NFIB: variants seen among roughly 807,000 people sequenced by gnomAD.
The protein encoded by NFIB is nuclear factor 1 B-type.
A neutral mutation model predicts 61.5 loss-of-function variants in NFIB; 11 were observed. That is an observed-to-expected ratio of 0.18 (90% CI 0.11 to 0.30). NFIB has a LOEUF of 0.30. NFIB is among the 10% of genes least tolerant of loss of function. The pLI is 1.00. For missense variants in NFIB, 471 were observed against 608.9 expected (o/e 0.77, Z 2.38); for synonymous variants, 260 against 216.5 (o/e 1.20, Z -1.76).
chr9:14,293,004 T>C (rs2059200930), intron 2 of NFIB, among the ~76,000 whole-genome samples: 1 of 152,222 alleles, frequency 6.6e-6, no homozygotes, highest in Non-Finnish European at 1.5e-5. Context: ...TTTTCATTCC[T>C]TCTAAAAGGA....
the NFIB span, among the ~76,000 whole-genome samples, chr9:14,486,658 C>T: frequency 1.3e-5 from 2 of 151,700 alleles, no homozygotes; most frequent in African/African-American, 2.4e-5. Flanking sequence ...CTTCCATGTT[C>T]AAAACAATAG....
the NFIB span, among the ~76,000 whole-genome samples, chr9:14,457,077 G>C: frequency 6.6e-6 from 1 of 152,110 alleles, no homozygotes; most frequent in African/African-American, 2.4e-5. Flanking sequence ...AGAAAGAAAA[G>C]GCCAAGGGCA....
chr9:14,237,304 G>T (rs1285211650), intron 2 of NFIB, among the ~76,000 whole-genome samples: 1 of 152,242 alleles, frequency 6.6e-6, no homozygotes, highest in Admixed American at 6.5e-5. Context: ...TCATCCTATT[G>T]ATTTACTGTG....
Position 14,120,321 on chromosome 9 carries a change from A to G in NFIB, c.1245+119T>C. ...ATTGAGTCACCAAGCAACTTCCTGA[A>G]GATGGATTTCAAGGCTTGACGTTCT... is the stretch of plus-strand genomic sequence containing the variant. On this transcript the variant is annotated intron_variant, in intron 8 of 10. Transcript: ENST00000380953. This position sits in a 1 kb window ranked among gnomAD's most constrained non-coding sequence, Gnocchi z 4.4. The G allele has an allele frequency of 1.8e-6, 2 of 1,104,136 alleles. No individual in the cohort carries two copies. The highest frequency in any genetic ancestry group is 2.7e-6 in the Non-Finnish European group (2 of 733,490). The allele number at this position is 1,104,136 out of a possible 1,614,324, so 68.4% of individuals were successfully genotyped here.
chr9:14,324,405 C>G (rs951600174), intron 1 of NFIB, among the ~76,000 whole-genome samples: 1 of 152,160 alleles, frequency 6.6e-6, no homozygotes, highest in Non-Finnish European at 1.5e-5. Flanking sequence ...GTAAGTAACA[C>G]TTGCATGGGC....
At chr9:14,460,068 C>T in the NFIB span, among the ~76,000 whole-genome samples, 3 of 152,056 alleles carry the variant, frequency 2.0e-5, no homozygotes, top group Non-Finnish European at 2.9e-5. Flanking sequence ...CACATGCACA[C>T]GTATGTTTAT....
chr9:14,450,784 C>T, the NFIB span, among the ~76,000 whole-genome samples: 1 of 152,322 alleles, frequency 6.6e-6, no homozygotes, highest in Admixed American at 6.5e-5. Context: ...TATCAACCGG[C>T]CATGAAGTAT....
chr9:14,350,940 C>T (rs889897543), intron 1 of NFIB, among the ~76,000 whole-genome samples: 3 of 152,108 alleles, frequency 2.0e-5, no homozygotes, highest in South Asian at 2.1e-4. Flanking sequence ...AAAAGAAAGT[C>T]GCGACCTTTC....
the NFIB span, among the ~76,000 whole-genome samples, chr9:14,445,918 A>G: frequency 6.6e-5 from 10 of 152,196 alleles, no homozygotes; most frequent in African/African-American, 2.4e-4. Flanking sequence ...CCTTTAGAAT[A>G]GCCATTAGAG....
At chr9:14,217,150 A>G (rs185756105) in intron 2 of NFIB, among the ~76,000 whole-genome samples, 36 of 152,316 alleles carry the variant, frequency 2.4e-4, no homozygotes, top group African/African-American at 8.2e-4. Context: ...GATACTTAAG[A>G]AAGAATAACA....
At chr9:14,309,392 G>GT (rs1201277730) in intron 1 of NFIB, among the ~76,000 whole-genome samples, 5 of 152,164 alleles carry the variant, frequency 3.3e-5, no homozygotes, top group Admixed American at 2.0e-4. Context: ...TAACATTGCT[G>GT]TAAGTGTTCC....
chr9:14,452,410 T>A, the NFIB span, among the ~76,000 whole-genome samples: 3 of 61,850 alleles, frequency 4.9e-5, no homozygotes, highest in African/African-American at 1.0e-4. Flanking sequence ...CAGAGGGAGA[T>A]GGAAGGAAGG....
At chr9:14,145,202 A>G (rs1038620296) in intron 6 of NFIB, among the ~76,000 whole-genome samples, 6 of 151,996 alleles carry the variant, frequency 3.9e-5, no homozygotes, top group East Asian at 1.9e-4. Context: ...TGCCATCTCT[A>G]TTATTTCCCT....
chr9:14,363,857 G>C (rs1405857781), intron 1 of NFIB, among the ~76,000 whole-genome samples: 2 of 152,018 alleles, frequency 1.3e-5, no homozygotes, highest in South Asian at 2.1e-4. Flanking sequence ...ATCTTTCCAT[G>C]TCAGTTGGTA....
At chr9:14,419,380 G>T in the NFIB span, among the ~76,000 whole-genome samples, 1 of 151,856 alleles carries the variant, frequency 6.6e-6, no homozygotes, top group Non-Finnish European at 1.5e-5. Context: ...GACCAGGGAG[G>T]GGAGGTTGCT....
intron 3 of NFIB, among the ~76,000 whole-genome samples, chr9:14,169,263 T>A (rs903711451): frequency 2.0e-5 from 3 of 152,142 alleles, no homozygotes; most frequent in Non-Finnish European, 4.4e-5. Context: ...TCAAGTGGTT[T>A]TCCTGTCTTC....
At chr9:14,217,931 A>T (rs958328733) in intron 2 of NFIB, among the ~76,000 whole-genome samples, 1 of 152,194 alleles carries the variant, frequency 6.6e-6, no homozygotes, top group South Asian at 2.1e-4. Context: ...GTAAGAAAGT[A>T]AATATATATG....
intron 2 of NFIB, among the ~76,000 whole-genome samples, chr9:14,249,263 A>G (rs926082699): frequency 2.6e-5 from 4 of 152,246 alleles, no homozygotes; most frequent in African/African-American, 7.2e-5. Flanking sequence ...TAAGCAAATT[A>G]TGAGTCAAAG....
chr9:14,353,420 T>G (rs963008994), intron 1 of NFIB, among the ~76,000 whole-genome samples: 1 of 152,102 alleles, frequency 6.6e-6, no homozygotes, highest in Non-Finnish European at 1.5e-5. Context: ...TGCTAGGGTG[T>G]CCTTGGCAGA....
Sources: allele counts gnomAD v4.1 joint callset (sites outside exome capture counted in the v4.1 genomes callset), GRCh38; gene constraint gnomAD v4.1.1; non-coding constraint Gnocchi (gnomAD v3.1); transcripts MANE v1.5; gene names NCBI Gene and HGNC (gene_info 2026-07-23, HGNC 2026-07-21).